The following ADAM12 variants were observed in gnomAD, a reference collection of about 807,000 sequenced individuals.
The protein encoded by ADAM12 is ADAM metallopeptidase domain 12, also known as disintegrin and metalloproteinase domain-containing protein 12.
Under a neutral mutation model 106.4 loss-of-function variants are expected in ADAM12, and 70 were observed. That is an observed-to-expected ratio of 0.66 (90% confidence interval 0.54 to 0.80). The LOEUF is 0.80. ADAM12 is among the 30% of genes least tolerant of loss of function. The probability of loss-of-function intolerance (pLI) is 0.00; values close to 1 mark genes in which losing one functional copy is unlikely to be tolerated. For missense variants in ADAM12, 1,010 were observed against 1,171.9 expected (o/e 0.86, Z 2.02); for synonymous variants, 420 against 433.5 (o/e 0.97, Z 0.39).
chr10:126,229,203 G>A (rs1275037792), intron 3 of ADAM12, among the ~76,000 whole-genome samples: 1 of 152,126 alleles, frequency 6.6e-6, no homozygotes, highest in Non-Finnish European at 1.5e-5. Context: ...ACCAGGAGGT[G>A]GGCAGGGGCT....
At chr10:126,235,782 G>A (rs530703507) in intron 3 of ADAM12, among the ~76,000 whole-genome samples, 25 of 152,282 alleles carry the variant, frequency 1.6e-4, no homozygotes, top group African/African-American at 5.8e-4. Flanking sequence ...AATAATGGTC[G>A]TGTTCGAGGA....
intron 3 of ADAM12, among the ~76,000 whole-genome samples, chr10:126,240,730 G>A (rs1958505866): frequency 6.6e-6 from 1 of 152,202 alleles, no homozygotes; most frequent in Non-Finnish European, 1.5e-5. Context: ...ACAGCAGCTG[G>A]AACTCAGTGA....
chr10:126,195,108 G>T (rs546817747), intron 3 of ADAM12, among the ~76,000 whole-genome samples: 8 of 152,242 alleles, frequency 5.3e-5, no homozygotes, highest in South Asian at 2.1e-4. Context: ...GGAGGGCTTG[G>T]GGGTGGAGAG....
At chr10:126,339,847 C>CTTTTTT (rs146232567) in intron 1 of ADAM12, among the ~76,000 whole-genome samples, 43 of 75,676 alleles carry the variant, frequency 5.7e-4, no homozygotes, top group East Asian at 1.0e-3. Flanking sequence ...CATTCTAGGG[C>CTTTTTT]TTTTTTTTTT....
chr10:126,209,987 G>A (rs1423438966), intron 3 of ADAM12, among the ~76,000 whole-genome samples: 1 of 152,160 alleles, frequency 6.6e-6, no homozygotes. Flanking sequence ...TTTTATTAAT[G>A]CAGACTCACA....
Position 126,049,377 on chromosome 10 carries a change from A to G in ADAM12, c.1793T>C (p.Ile598Thr), listed in dbSNP as rs765832309. 3 of 1,614,166 alleles carry G rather than the reference A, an allele frequency of 1.9e-6. No individual in the cohort carries two copies. The highest frequency in any genetic ancestry group is 2.5e-6 in the Non-Finnish European group (3 of 1,180,030). ...TTGCTGCAGGGGGATGTTTGTTTCT[A>G]TGGAAACGGCATTGGTACCAATGAC... ...RPVIGTNAVS[I>T]ETNIPLQQGG... is the part of the protein sequence containing the mutation. The change falls in exon 16 of 23, where the codon ATA (isoleucine) becomes ACA (threonine). Residue 598 changes from isoleucine (I) to threonine (T), a missense_variant. Physicochemically the swap from Ile to Thr is moderately conservative, Grantham distance 89. Coordinates refer to ENST00000448723, the MANE Select transcript of ADAM12 (RefSeq NM_001288973.2). This position sits in a 1 kb window ranked among gnomAD's most constrained non-coding sequence, Gnocchi z 4.4.
intron 14 of ADAM12, among the ~76,000 whole-genome samples, chr10:126,063,576 G>C (rs1402847576): frequency 2.6e-5 from 4 of 152,158 alleles, no homozygotes. Context: ...TTCAGCCTGG[G>C]CCTGGCCGAC....
intron 5 of ADAM12, among the ~76,000 whole-genome samples, chr10:126,129,871 T>C (rs1956272707): frequency 6.6e-6 from 1 of 152,208 alleles, no homozygotes; most frequent in Admixed American, 6.5e-5. Flanking sequence ...TTGTGCTGTT[T>C]TTGTCTCCGT....
chr10:126,113,687 AATATATATATATATATATATAT>A lies in ADAM12; in HGVS notation c.604-3869_604-3848del, dbSNP rs71309278. ...AAAAAAAAAAAAAAAAAAAAAAAAA[AATATATATATATATATATATAT>A]ATATATATATATATATATATATAAT... On this transcript the variant is annotated intron_variant, in intron 6 of 22. Transcript: ENST00000448723. Among the ~76,000 whole-genome samples the A allele has an allele frequency of 8.7e-3, 209 of 23,994 alleles. 3 individuals are homozygous for A. The highest frequency in any genetic ancestry group is 0.025 in the Middle Eastern group (1 of 40). The allele number at this position is 23,994 out of a possible 152,430, so 15.7% of individuals were successfully genotyped here.
At position 126,069,532 on chromosome 10, in the gene ADAM12, CCT is replaced by C. The variant is rs139689379; in HGVS notation, c.1323+1943_1323+1944del. 2.0e-3 allele frequency among the ~76,000 whole-genome samples: 312 copies of C among 152,314 alleles called. 2 individuals carry two copies. The highest frequency in any genetic ancestry group is 7.2e-3 in the African/African-American group (301 of 41,580). On this transcript the variant is annotated intron_variant, in intron 12 of 22. Transcript: ENST00000448723. ...AACATGCCACCTGGCGAGACAGCAC[CCT>C]GTCAAGCCGCATGACTCCTTCATGG...
At chr10:126,348,238 C>A (rs1438810485) in intron 1 of ADAM12, among the ~76,000 whole-genome samples, 1 of 149,726 alleles carries the variant, frequency 6.7e-6, no homozygotes, top group East Asian at 1.9e-4. Context: ...ACTGGGAGCA[C>A]AGAGTCTGGT....
intron 14 of ADAM12, among the ~76,000 whole-genome samples, chr10:126,061,250 G>C (rs1009086929): frequency 6.6e-6 from 1 of 152,156 alleles, no homozygotes. Context: ...ATAGAGTTTA[G>C]ATTTACTAGG....
intron 3 of ADAM12, among the ~76,000 whole-genome samples, chr10:126,256,257 T>C (rs1021689211): frequency 2.0e-5 from 3 of 152,188 alleles, no homozygotes; most frequent in African/African-American, 7.2e-5. Flanking sequence ...TGTGAATGAA[T>C]GGGTAAACAT....
chr10:126,137,607 T>G (rs1229252630), intron 4 of ADAM12, among the ~76,000 whole-genome samples: 1 of 152,240 alleles, frequency 6.6e-6, no homozygotes, highest in Non-Finnish European at 1.5e-5. Flanking sequence ...ATTTGCCCGT[T>G]CTGTTATTTT....
At chr10:126,219,400 C>G (rs1958048465) in intron 3 of ADAM12, among the ~76,000 whole-genome samples, 1 of 152,176 alleles carries the variant, frequency 6.6e-6, no homozygotes, top group African/African-American at 2.4e-5. Flanking sequence ...CAGCAGGGAA[C>G]CTTTGCTAAT....
At chr10:126,183,543 G>T (rs575879966) in intron 3 of ADAM12, among the ~76,000 whole-genome samples, 20 of 152,322 alleles carry the variant, frequency 1.3e-4, no homozygotes, top group Non-Finnish European at 2.4e-4. Context: ...AGCCATCTGG[G>T]GCAAGTGGTG....
chr10:126,363,084 A>T lies in ADAM12; in HGVS notation c.88+24974T>A, dbSNP rs1182601158. Reference sequence around the variant, plus strand: ...TCAACTCATAATAAAAATAAGTTTTAAAAAAAGAAATGAGTATAATTATTG... The same window carrying T: ...TCAACTCATAATAAAAATAAGTTTTTAAAAAAGAAATGAGTATAATTATTG... On this transcript the variant is annotated intron_variant, in intron 1 of 22. Transcript: ENST00000448723. Among the ~76,000 whole-genome samples, 4 of 152,190 alleles carry T rather than the reference A, an allele frequency of 2.6e-5. No individual in the cohort carries two copies. In the East Asian group the frequency reaches 5.8e-4, roughly 22 times the overall value.
intron 2 of ADAM12, among the ~76,000 whole-genome samples, chr10:126,297,371 C>T (rs575663989): frequency 1.3e-5 from 2 of 152,184 alleles, no homozygotes; most frequent in Non-Finnish European, 2.9e-5. Flanking sequence ...AGCAAAAACC[C>T]ATCTCTACAA....
chr10:126,236,853 C>T (rs1372968550), intron 3 of ADAM12, among the ~76,000 whole-genome samples: 3 of 152,186 alleles, frequency 2.0e-5, no homozygotes, highest in Non-Finnish European at 4.4e-5. Flanking sequence ...CCCCCAAAGC[C>T]AAGGGGCAGG....
Sources: allele counts gnomAD v4.1 joint callset (sites outside exome capture counted in the v4.1 genomes callset), GRCh38; gene constraint gnomAD v4.1.1; non-coding constraint Gnocchi (gnomAD v3.1); transcripts MANE v1.5; gene names NCBI Gene and HGNC (gene_info 2026-07-23, HGNC 2026-07-21).